The following PPP4R2 variants were observed in gnomAD, a reference collection of about 807,000 sequenced individuals.
PPP4R2 encodes protein phosphatase 4 regulatory subunit 2.
In PPP4R2, 13 loss-of-function variants were observed where a neutral mutation model predicts 47.2. That is an observed-to-expected ratio of 0.28 (90% CI 0.18 to 0.44). The LOEUF is 0.44. Among genes scored for constraint, PPP4R2 ranks in the 20% least tolerant of loss-of-function variants. The pLI, the probability that PPP4R2 is intolerant of heterozygous loss-of-function variation, is 1.00. For synonymous variants in PPP4R2, 151 were observed against 163.3 expected, an observed-to-expected ratio of 0.92 and a Z score of 0.57; for missense variants, 421 against 491.2, an observed-to-expected ratio of 0.86 and a Z score of 1.35.
intron 2 of PPP4R2, among the ~76,000 whole-genome samples, chr3:73,006,632 C>CT (rs893489983): frequency 1.3e-5 from 2 of 152,160 alleles, no homozygotes; most frequent in Non-Finnish European, 2.9e-5. Context: ...TCTCTTGACT[C>CT]TTTCTCCTCA....
chr3:73,004,621 A>G (rs923168916), intron 2 of PPP4R2, among the ~76,000 whole-genome samples: 6 of 152,032 alleles, frequency 3.9e-5, no homozygotes, highest in Non-Finnish European at 8.8e-5. Context: ...TGTTTTCTGT[A>G]GAGATGGGGT....
At chr3:73,033,242 T>G (rs1702203103) in intron 2 of PPP4R2, among the ~76,000 whole-genome samples, 1 of 152,182 alleles carries the variant, frequency 6.6e-6, no homozygotes, top group South Asian at 2.1e-4. Context: ...AGGTTGAAAA[T>G]TATTGTCTCT....
At chr3:73,036,027 GCA>G (rs989519892) in intron 2 of PPP4R2, among the ~76,000 whole-genome samples, 5 of 152,112 alleles carry the variant, frequency 3.3e-5, no homozygotes, top group African/African-American at 9.7e-5. Flanking sequence ...GTATATATAC[GCA>G]CACACACAGT....
chr3:73,017,803 T>C (rs1701871521), intron 2 of PPP4R2, among the ~76,000 whole-genome samples: 1 of 151,916 alleles, frequency 6.6e-6, no homozygotes, highest in South Asian at 2.1e-4. Flanking sequence ...CTTGGCTTAC[T>C]ATAACCTCCA....
At position 73,004,923 on chromosome 3, in the gene PPP4R2, T is replaced by TTGTG. The variant is rs142119782; in HGVS notation, c.116+6769_116+6772dup. 5.3e-3 allele frequency among the ~76,000 whole-genome samples: 748 copies of TTGTG among 140,052 alleles called. 21 individuals carry two copies. The highest frequency in any genetic ancestry group is 0.019 in the African/African-American group (717 of 37,398). 91.9% of individuals were successfully genotyped at this position (140,052 alleles called of 152,430 possible). ...TTGAGTCGGAGTCATGTGTGTGTGTTTGTGTGTTTTGAGTCGGAGTCGTGT... is the reference window on the plus strand; with the variant it reads ...TTGAGTCGGAGTCATGTGTGTGTGTTTGTGTGTGTGTTTTGAGTCGGAGTCGTGT... On this transcript the variant is annotated intron_variant, in intron 2 of 8. Coordinates refer to ENST00000356692, the MANE Select transcript of PPP4R2 (RefSeq NM_174907.4).
At chr3:73,053,703 A>G (rs1455810479) in intron 3 of PPP4R2, among the ~76,000 whole-genome samples, 2 of 151,736 alleles carry the variant, frequency 1.3e-5, no homozygotes, top group Non-Finnish European at 2.9e-5. Context: ...AGGTCAGGAG[A>G]TGGAGACCAT....
intron 3 of PPP4R2, among the ~76,000 whole-genome samples, chr3:73,054,488 A>G (rs930442310): frequency 1.3e-5 from 2 of 152,240 alleles, no homozygotes; most frequent in Non-Finnish European, 2.9e-5. Context: ...GTTAGTTTCC[A>G]TGTTGACAGT....
chr3:73,015,084 AAAAT>A, intron 2 of PPP4R2: 1 of 459,058 alleles, frequency 2.2e-6, no homozygotes, highest in Non-Finnish European at 3.9e-6. Context: ...ATATAGGAAG[AAAAT>A]AAATACTGAG....
chr3:73,021,237 T>A (rs1701953976), intron 2 of PPP4R2, among the ~76,000 whole-genome samples: 1 of 115,180 alleles, frequency 8.7e-6, no homozygotes, highest in Non-Finnish European at 1.8e-5. Context: ...AAAAAAATTT[T>A]TTTTTTTTTT....
At chr3:73,014,812 TGATAATATTC>T (rs750119173) in intron 2 of PPP4R2, 63 of 404,900 alleles carry the variant, frequency 1.6e-4, no homozygotes, top group Non-Finnish European at 2.6e-4. Flanking sequence ...GATTTGAAAG[TGATAATATTC>T]TAAATCTAGC....
chr3:72,997,009 G>A lies in PPP4R2; in HGVS notation c.-29G>A. ...GTCCCCAAGAGACCCGCGGAGGGAG[G>A]CGGAGGCTGTGAGGGACTCCGGGAA... is the stretch of plus-strand genomic sequence containing the variant. On this transcript the variant is annotated 5_prime_UTR_variant, in exon 1 of 9. Transcript: ENST00000356692. The A allele has an allele frequency of 7.3e-7, 1 of 1,373,850 alleles. No homozygotes were observed. Among genetic ancestry groups the A allele is most frequent in the Non-Finnish European group, 9.5e-7 (1 of 1,048,102 alleles). 85.1% of individuals were successfully genotyped at this position (1,373,850 alleles called of 1,614,324 possible).
intron 2 of PPP4R2, among the ~76,000 whole-genome samples, chr3:73,028,339 A>C (rs1290145565): frequency 6.6e-6 from 1 of 151,018 alleles, no homozygotes; most frequent in Non-Finnish European, 1.5e-5. Flanking sequence ...TGCCTGGCCC[A>C]GGTAGTTGGA....
chr3:73,013,074 G>C (rs1344660282), intron 2 of PPP4R2, among the ~76,000 whole-genome samples: 1 of 151,906 alleles, frequency 6.6e-6, no homozygotes, highest in Non-Finnish European at 1.5e-5. Context: ...AGAGTTTTTG[G>C]GGATGATACC....
intron 2 of PPP4R2, among the ~76,000 whole-genome samples, chr3:73,034,944 T>C (rs1310413325): frequency 6.6e-6 from 1 of 151,792 alleles, no homozygotes; most frequent in Admixed American, 6.6e-5. Context: ...AACAGATGAA[T>C]GGGATTACAT....
chr3:73,009,518 G>A (rs1030225759), intron 2 of PPP4R2, among the ~76,000 whole-genome samples: 1 of 152,198 alleles, frequency 6.6e-6, no homozygotes, highest in South Asian at 2.1e-4. Context: ...GCCAGTGAAT[G>A]TATGGAATCA....
chr3:73,056,501 A>C (rs987496624), intron 3 of PPP4R2, among the ~76,000 whole-genome samples: 49 of 152,116 alleles, frequency 3.2e-4, no homozygotes, highest in Non-Finnish European at 4.4e-5. Context: ...GATTTGCAGA[A>C]AGTGTTTGGT....
At chr3:73,043,876 A>C (rs190411990) in intron 2 of PPP4R2, among the ~76,000 whole-genome samples, 234 of 152,312 alleles carry the variant, frequency 1.5e-3, no homozygotes, top group Non-Finnish European at 2.2e-3. Flanking sequence ...TCATTTACAC[A>C]AACTTGAAAC....
At chr3:73,028,685 G>A (rs6808862) in intron 2 of PPP4R2, among the ~76,000 whole-genome samples, 59,884 of 151,734 alleles carry the variant, frequency 0.39, 12,283 homozygotes, top group African/African-American at 0.46. Flanking sequence ...TGATCCGCCC[G>A]CCTAGGCCTC....
chr3:73,001,803 G>A (rs76684731), intron 2 of PPP4R2, among the ~76,000 whole-genome samples: 78,926 of 151,300 alleles, frequency 0.52, 20,832 homozygotes, highest in African/African-American at 0.6. Context: ...TAATTATTGT[G>A]TTTTTAGTAG....
Sources: gnomAD v4.1 joint callset for allele counts (sites outside exome capture counted in the v4.1 genomes callset) on GRCh38, gnomAD v4.1.1 for gene constraint, MANE v1.5 for transcripts, NCBI Gene and HGNC (gene_info 2026-07-23, HGNC 2026-07-21) for gene names.